DNAH12: variants seen among roughly 807,000 people sequenced by gnomAD.
The protein encoded by DNAH12 is dynein axonemal heavy chain 12.
In DNAH12, 285 loss-of-function variants were observed where a neutral mutation model predicts 371.5. That is an observed-to-expected ratio of 0.77 (90% CI 0.70 to 0.85). DNAH12 has a LOEUF of 0.85. DNAH12 is among the 40% of genes least tolerant of loss of function. DNAH12 has a pLI of 0.00. For missense variants in DNAH12, 3,611 were observed against 3,689.4 expected, an observed-to-expected ratio of 0.98 and a Z score of 0.55; for synonymous variants, 1,200 against 1,213.0, an observed-to-expected ratio of 0.99 and a Z score of 0.22.
chr3:57,499,452 T>A (rs1457536662), intron 11 of DNAH12, among the ~76,000 whole-genome samples: 1 of 150,470 alleles, frequency 6.6e-6, no homozygotes, highest in East Asian at 1.9e-4. Context: ...CAAATAAATA[T>A]AGCAAAATCC....
At chr3:57,436,622 C>T (rs1423359033) in intron 30 of DNAH12, among the ~76,000 whole-genome samples, 9 of 152,168 alleles carry the variant, frequency 5.9e-5, no homozygotes, top group South Asian at 2.1e-4. Context: ...TACCATGCAT[C>T]GTCACCTAGG....
In DNAH12 at chr3:57,468,192, T is replaced by C. The variant is rs529614129; in HGVS notation, c.2349+544A>G. On this transcript the variant is annotated intron_variant, in intron 17 of 73. Transcript: ENST00000495027. Reference sequence around the variant, plus strand: ...AGTACCTTCATTTGGCCATACTCCTTTGATTACAAGTGACAGAGACCCAAT... The same window carrying C: ...AGTACCTTCATTTGGCCATACTCCTCTGATTACAAGTGACAGAGACCCAAT... 6.6e-5 allele frequency among the ~76,000 whole-genome samples: 10 copies of C among 152,318 alleles called. 1 individual carries two copies. The South Asian group carries it at 1.9e-3, about 28-fold the overall frequency.
chr3:57,532,184 G>C (rs1036284535), intron 2 of DNAH12, among the ~76,000 whole-genome samples: 41 of 152,008 alleles, frequency 2.7e-4, no homozygotes, highest in African/African-American at 9.9e-4. Flanking sequence ...ATTTCTGCTT[G>C]ATTTTTAATT....
intron 62 of DNAH12, among the ~76,000 whole-genome samples, chr3:57,327,341 G>GAAATTATA (rs1441564502): frequency 6.6e-6 from 1 of 151,466 alleles, no homozygotes; most frequent in Non-Finnish European, 1.5e-5. Flanking sequence ...TAAAAGAACA[G>GAAATTATA]AAATTATAAC....
At chr3:57,523,967 A>G (rs1210881060) in intron 2 of DNAH12, 83 bp from the exon 3 acceptor site, 2 of 985,072 alleles carry the variant, frequency 2.0e-6, no homozygotes, top group East Asian at 5.4e-5. Flanking sequence ...CATTTTTCCA[A>G]CTATACTAAG....
At chr3:57,515,330 G>GAACATCTT (rs2068153841) in intron 4 of DNAH12, among the ~76,000 whole-genome samples, 1 of 152,118 alleles carries the variant, frequency 6.6e-6, no homozygotes, top group Non-Finnish European at 1.5e-5. Context: ...CATGATCCTG[G>GAACATCTT]AACATCTTAT....
chr3:57,397,910 A>G (rs1295419740), intron 43 of DNAH12, among the ~76,000 whole-genome samples: 1 of 152,136 alleles, frequency 6.6e-6, no homozygotes, highest in Non-Finnish European at 1.5e-5. Flanking sequence ...AATTAAGGAA[A>G]CGTGGCCCAG....
At chr3:57,545,519 G>T (rs116894572), upstream of DNAH12, among the ~76,000 whole-genome samples, 209 of 151,668 alleles carry the variant, frequency 1.4e-3, 3 homozygotes, top group East Asian at 0.035. Context: ...ATGTCAATTT[G>T]TTAGGGTTTA....
At chr3:57,499,653 T>C (rs1197008083) in intron 11 of DNAH12, among the ~76,000 whole-genome samples, 2 of 31,872 alleles carry the variant, frequency 6.3e-5, no homozygotes, top group East Asian at 1.0e-3. Flanking sequence ...AAAAAATATA[T>C]ATATATATAT....
At chr3:57,448,858 C>T (rs1339086779) in intron 25 of DNAH12, among the ~76,000 whole-genome samples, 1 of 151,860 alleles carries the variant, frequency 6.6e-6, no homozygotes, top group East Asian at 1.9e-4. Context: ...GGTGCACTCA[C>T]AAACCTTGAG....
chr3:57,327,344 A>G (rs1485867633), intron 62 of DNAH12, among the ~76,000 whole-genome samples: 1 of 151,740 alleles, frequency 6.6e-6, no homozygotes, highest in Non-Finnish European at 1.5e-5. Flanking sequence ...AAGAACAGAA[A>G]TTATAACAAA....
Position 57,295,606 on chromosome 3 carries a change from T to C in DNAH12, c.11625-14A>G, listed in dbSNP as rs1394075059. 5 of 1,527,264 alleles carry C rather than the reference T, an allele frequency of 3.3e-6. No individual in the cohort carries two copies. The highest frequency in any genetic ancestry group is 4.4e-6 in the Non-Finnish European group (5 of 1,134,146). The allele number at this position is 1,527,264 out of a possible 1,614,324, so 94.6% of individuals were successfully genotyped here. On this transcript the variant is annotated splice_polypyrimidine_tract_variant and intron_variant, in intron 72 of 73. Transcript: ENST00000495027. ...GCAAGCAATCCACTGTAACGAGAAATTGACAGAAATTATTAGAAATAACAT... is the reference window on the plus strand; with the variant it reads ...GCAAGCAATCCACTGTAACGAGAAACTGACAGAAATTATTAGAAATAACAT...
chr3:57,406,970 C>T (rs1026813918), intron 40 of DNAH12, among the ~76,000 whole-genome samples: 2 of 151,968 alleles, frequency 1.3e-5, no homozygotes, highest in African/African-American at 2.4e-5. Flanking sequence ...GAGGTTTTGG[C>T]TCACTGCAAC....
chr3:57,540,636 A>G (rs2069238852), intron 2 of DNAH12, among the ~76,000 whole-genome samples: 1 of 152,202 alleles, frequency 6.6e-6, no homozygotes, highest in Non-Finnish European at 1.5e-5. Context: ...GTTATGGAGT[A>G]AAAACAATCT....
In DNAH12 at chr3:57,445,329, G is replaced by A. The variant is rs530736681; in HGVS notation, c.4270C>T (p.Pro1424Ser). The change falls in exon 28 of 74, where the codon CCT (proline) becomes TCT (serine). Residue 1424 changes from proline (P) to serine (S), a missense_variant. Physicochemically the swap from Pro to Ser is moderately conservative, Grantham distance 74. Around this residue, in one of 3 missense-constraint regions of DNAH12, gnomAD observed 2,266 missense variants for 2,236.9 expected, o/e 1.01. Coordinates refer to ENST00000495027, the MANE Select transcript of DNAH12 (RefSeq NM_001366028.2). ...GTCATTACTATTTTCACAGACAGAG[G>A]TCTTGCATTCAAAAATCCGTAAGAG... is the stretch of plus-strand genomic sequence containing the variant. ...LYSYGFLNAR[P>S]LSVKIVMTYR... 3.9e-6 allele frequency: 6 copies of A among 1,551,592 alleles called. No homozygotes were observed. The South Asian group carries it at 6.0e-5, about 15-fold the overall frequency.
intron 38 of DNAH12, 112 bp from the exon 39 acceptor site, chr3:57,414,024 G>C: frequency 9.4e-7 from 1 of 1,063,246 alleles, no homozygotes; most frequent in South Asian, 1.7e-5. Flanking sequence ...CAGAATCCAT[G>C]GGATTTTTAC....
At chr3:57,469,464 A>G (rs1328063451) in intron 16 of DNAH12, among the ~76,000 whole-genome samples, 1 of 152,222 alleles carries the variant, frequency 6.6e-6, no homozygotes, top group Non-Finnish European at 1.5e-5. Flanking sequence ...CATTTGACCC[A>G]GCAATCCCAT....
intron 11 of DNAH12, among the ~76,000 whole-genome samples, chr3:57,491,599 G>C (rs2067126852): frequency 6.6e-6 from 1 of 151,798 alleles, no homozygotes; most frequent in Non-Finnish European, 1.5e-5. Context: ...CTACTCCCCT[G>C]TCCTGTTTTA....
intron 36 of DNAH12, 95 bp downstream of exon 36, chr3:57,421,423 A>G: frequency 8.3e-7 from 1 of 1,209,230 alleles, no homozygotes; most frequent in Non-Finnish European, 1.2e-6. Context: ...TCACCGCAGG[A>G]GTCAAAATAA....
Sources: gnomAD v4.1 joint callset for allele counts (sites outside exome capture counted in the v4.1 genomes callset) on GRCh38, gnomAD v4.1.1 for gene constraint, gnomAD v4.1.1 regional missense constraint, MANE v1.5 for transcripts, NCBI Gene and HGNC (gene_info 2026-07-23, HGNC 2026-07-21) for gene names.